SPRR2G: variants seen among roughly 807,000 people sequenced by gnomAD.
The protein encoded by SPRR2G is small proline-rich protein 2G.
A neutral mutation model predicts 0.7 loss-of-function variants in SPRR2G; 1 was observed. The ratio of observed to expected loss-of-function variants is 1.49; its 90% CI spans 0.53 to 7.06. The LOEUF is 7.06. Ranked by LOEUF, SPRR2G falls within the 30% of genes most tolerant of loss-of-function variation. The probability of loss-of-function intolerance (pLI) is 0.14; values close to 1 mark genes in which losing one functional copy is unlikely to be tolerated. For missense variants in SPRR2G, 96 were observed against 88.5 expected (o/e 1.09, Z -0.34); for synonymous variants, 38 against 33.9 (o/e 1.12, Z -0.42).
the SPRR2G span, among the ~76,000 whole-genome samples, chr1:153,201,943 C>T: frequency 1.3e-5 from 2 of 152,206 alleles, no homozygotes; most frequent in Non-Finnish European, 2.9e-5. Flanking sequence ...AAATCTGTTC[C>T]CCTGTTTCCT....
At chr1:153,175,546 G>A in the SPRR2G span, among the ~76,000 whole-genome samples, 1 of 152,160 alleles carries the variant, frequency 6.6e-6, no homozygotes, top group African/African-American at 2.4e-5. Context: ...GGACTTTCAT[G>A]TTCCATACAA....
chr1:153,169,650 AC>A, the SPRR2G span, among the ~76,000 whole-genome samples: 1,093 of 151,978 alleles, frequency 7.2e-3, 12 homozygotes, highest in African/African-American at 0.023. Context: ...CCTCCACTTC[AC>A]CTTTTAATGT....
chr1:153,170,061 G>T, the SPRR2G span, among the ~76,000 whole-genome samples: 1,094 of 152,286 alleles, frequency 7.2e-3, 12 homozygotes, highest in African/African-American at 0.023. Flanking sequence ...GTTACAAAGT[G>T]TAATGGAATT....
At chr1:153,166,034 T>A in the SPRR2G span, among the ~76,000 whole-genome samples, 12 of 152,200 alleles carry the variant, frequency 7.9e-5, no homozygotes, top group African/African-American at 2.7e-4. Context: ...GCTGTTTGGA[T>A]GGTGCAGCTA....
the SPRR2G span, among the ~76,000 whole-genome samples, chr1:153,196,233 T>C: frequency 1.3e-5 from 2 of 152,196 alleles, no homozygotes; most frequent in Admixed American, 1.3e-4. Flanking sequence ...CCTCCCCCTG[T>C]CCCTGGTAAC....
chr1:153,184,296 A>G, the SPRR2G span, among the ~76,000 whole-genome samples: 1 of 152,206 alleles, frequency 6.6e-6, no homozygotes, highest in Non-Finnish European at 1.5e-5. Flanking sequence ...TTGAATCTCT[A>G]AATTACTTTA....
the SPRR2G span, among the ~76,000 whole-genome samples, chr1:153,179,822 C>T: frequency 2.6e-5 from 4 of 152,222 alleles, no homozygotes; most frequent in Admixed American, 1.3e-4. Flanking sequence ...ATCTTGTCTC[C>T]GTATTCCTAT....
chr1:153,169,347 C>T, the SPRR2G span, among the ~76,000 whole-genome samples: 725 of 152,096 alleles, frequency 4.8e-3, 11 homozygotes, highest in Middle Eastern at 0.02. Context: ...GGGTGGATCA[C>T]GAGGTCAGGA....
chr1:153,172,578 C>A, the SPRR2G span, among the ~76,000 whole-genome samples: 1 of 152,064 alleles, frequency 6.6e-6, no homozygotes, highest in African/African-American at 2.4e-5. Flanking sequence ...GAGATGGAAA[C>A]CTTGCTAGTC....
At chr1:153,151,467 T>G (rs982391958), upstream of SPRR2G, among the ~76,000 whole-genome samples, 1 of 152,212 alleles carries the variant, frequency 6.6e-6, no homozygotes, top group African/African-American at 2.4e-5. Context: ...GACATGGTAT[T>G]AATGGGCTTG....
At chr1:153,166,363 C>A in the SPRR2G span, among the ~76,000 whole-genome samples, 40 of 152,256 alleles carry the variant, frequency 2.6e-4, no homozygotes, top group African/African-American at 9.4e-4. Context: ...TGTTTATGAG[C>A]CTCTCCTACA....
the SPRR2G span, among the ~76,000 whole-genome samples, chr1:153,164,953 A>T: frequency 6.6e-6 from 1 of 151,958 alleles, no homozygotes; most frequent in African/African-American, 2.4e-5. Context: ...CACACTTCTC[A>T]CCTCTCCCTG....
At chr1:153,194,527 G>A in the SPRR2G span, among the ~76,000 whole-genome samples, 453 of 152,268 alleles carry the variant, frequency 3.0e-3, 2 homozygotes, top group African/African-American at 9.6e-3. Context: ...CCACTCTCTG[G>A]AACTTTTGGG....
At chr1:153,180,756 T>G in the SPRR2G span, among the ~76,000 whole-genome samples, 2 of 152,192 alleles carry the variant, frequency 1.3e-5, no homozygotes, top group Non-Finnish European at 2.9e-5. Flanking sequence ...TTTCAATTGC[T>G]CCACACTCTG....
In SPRR2G at chr1:153,149,847, C is replaced by A; in HGVS notation, c.*42G>T. On this transcript the variant is annotated 3_prime_UTR_variant, in exon 2 of 2. Coordinates refer to ENST00000368748, the MANE Select transcript of SPRR2G (RefSeq NM_001014291.4). The stretch of plus-strand genomic sequence containing the variant: ...GGAGTCCTGGGAGTAAGAAGAGCCA[C>A]TGGATCTTGTTGTTTCATGGTCCTG... 1 of 1,609,288 alleles carries A rather than the reference C, an allele frequency of 6.2e-7. No homozygotes were observed. Among genetic ancestry groups the A allele is most frequent in the Non-Finnish European group, 8.5e-7 (1 of 1,175,876 alleles).
At chr1:153,158,239 G>A in the SPRR2G span, among the ~76,000 whole-genome samples, 5 of 152,144 alleles carry the variant, frequency 3.3e-5, no homozygotes, top group African/African-American at 9.7e-5. Context: ...CTATGAGCCC[G>A]TAAAATCAAA....
upstream of SPRR2G, among the ~76,000 whole-genome samples, chr1:153,152,178 A>C (rs1656484943): frequency 6.6e-6 from 1 of 152,248 alleles, no homozygotes; most frequent in Non-Finnish European, 1.5e-5. Context: ...AATAAGAATA[A>C]TAACTAATCA....
At chr1:153,181,449 AAC>A in the SPRR2G span, among the ~76,000 whole-genome samples, 1 of 152,154 alleles carries the variant, frequency 6.6e-6, no homozygotes, top group Admixed American at 6.5e-5. Context: ...TGAAAGATAC[AAC>A]ACATTCTCAT....
the SPRR2G span, among the ~76,000 whole-genome samples, chr1:153,199,455 A>T: frequency 1.3e-5 from 2 of 152,212 alleles, no homozygotes; most frequent in African/African-American, 4.8e-5. Context: ...GAGAAAGGTC[A>T]GCCATAAGCA....
Sources: allele counts gnomAD v4.1 joint callset (sites outside exome capture counted in the v4.1 genomes callset), GRCh38; gene constraint gnomAD v4.1.1; transcripts MANE v1.5; gene names NCBI Gene and HGNC (gene_info 2026-07-23, HGNC 2026-07-21).